Variants in ADAMTS6 observed in about 807,000 individuals in gnomAD.
ADAMTS6 encodes A disintegrin and metalloproteinase with thrombospondin motifs 6.
ADAMTS6 carries 23 observed loss-of-function variants against 144.3 expected under a neutral mutation model. The ratio of observed to expected loss-of-function variants is 0.16; its 90% CI spans 0.11 to 0.23. The LOEUF is 0.23. ADAMTS6 is among the 10% of genes least tolerant of loss of function. ADAMTS6 has a pLI of 1.00. For missense variants in ADAMTS6, 999 were observed against 1,379.6 expected, an observed-to-expected ratio of 0.72 and a Z score of 4.37; for synonymous variants, 444 against 457.5, an observed-to-expected ratio of 0.97 and a Z score of 0.38.
At chr5:65,302,103 AAAAAATAT>A (rs58527838) in intron 9 of ADAMTS6, among the ~76,000 whole-genome samples, 26,873 of 118,528 alleles carry the variant, frequency 0.23, 3,664 homozygotes, top group Admixed American at 0.32. Flanking sequence ...AAAAAAAAAA[AAAAAATAT>A]ATATATATAT....
intron 24 of ADAMTS6, among the ~76,000 whole-genome samples, chr5:65,156,441 G>A (rs1424801121): frequency 6.6e-6 from 1 of 151,990 alleles, no homozygotes; most frequent in East Asian, 1.9e-4. Flanking sequence ...ATATCCCATT[G>A]AAATTAAAAC....
chr5:65,287,465 A>G lies in ADAMTS6; in HGVS notation c.1512+3864T>C, dbSNP rs1056724872. On this transcript the variant is annotated intron_variant, in intron 11 of 24. Coordinates refer to ENST00000381055, the MANE Select transcript of ADAMTS6 (RefSeq NM_197941.4). ...TTATTTATTTATTTATTTACTTTGG[A>G]GTAGGTATATCACATTCTGTATTTT... Among the ~76,000 whole-genome samples the G allele has an allele frequency of 2.6e-5, 4 of 152,024 alleles. No individual in the cohort carries two copies. The South Asian group carries it at 8.3e-4, about 32-fold the overall frequency.
At chr5:65,273,123 G>C (rs1391296626) in intron 12 of ADAMTS6, among the ~76,000 whole-genome samples, 2 of 152,052 alleles carry the variant, frequency 1.3e-5, no homozygotes, top group African/African-American at 2.4e-5. Context: ...CAAAATAAAG[G>C]TGAAACTGAC....
chr5:65,394,081 T>G (rs1425804686), intron 7 of ADAMTS6, among the ~76,000 whole-genome samples: 1 of 152,224 alleles, frequency 6.6e-6, no homozygotes, highest in African/African-American at 2.4e-5. Flanking sequence ...ACATATAATG[T>G]GACTTTGACA....
chr5:65,214,969 A>G lies in ADAMTS6; in HGVS notation c.2437-37T>C. On this transcript the variant is annotated intron_variant, in intron 19 of 24. Coordinates refer to ENST00000381055, the MANE Select transcript of ADAMTS6 (RefSeq NM_197941.4). The surrounding 1 kb of genome is among the most constrained non-coding windows in gnomAD (Gnocchi z 4.6). Reference sequence around the variant, plus strand: ...AACAACTGGTGAAGACAATTAAAATACAATGAGCCTTCATTCAGATATTTA... The same window carrying G: ...AACAACTGGTGAAGACAATTAAAATGCAATGAGCCTTCATTCAGATATTTA... 1 of 1,590,988 alleles carries G rather than the reference A, an allele frequency of 6.3e-7. No individual in the cohort carries two copies. The highest frequency in any genetic ancestry group is 8.6e-7 in the Non-Finnish European group (1 of 1,169,550).
In ADAMTS6 at chr5:65,434,109, T is replaced by G. The variant is rs745773980; in HGVS notation, c.1073+17366A>C. Among the ~76,000 whole-genome samples the G allele has an allele frequency of 4.6e-5, 7 of 152,226 alleles. No homozygotes were observed. In the East Asian group the frequency reaches 1.3e-3, roughly 29 times the overall value. On this transcript the variant is annotated intron_variant, in intron 7 of 24. Coordinates refer to ENST00000381055, the MANE Select transcript of ADAMTS6 (RefSeq NM_197941.4). ...GTACTGACACATGCTACAACATGGA[T>G]GAACTTTGAAAACAACAAGTAAAAA... is the stretch of plus-strand genomic sequence containing the variant.
chr5:65,263,414 T>TAAA (rs747254767), intron 12 of ADAMTS6, among the ~76,000 whole-genome samples: 1 of 123,264 alleles, frequency 8.1e-6, no homozygotes, highest in Non-Finnish European at 1.8e-5. Flanking sequence ...TGCTCTTTCT[T>TAAA]AAAAAAAAAA....
chr5:65,269,431 T>C (rs1177092175), intron 12 of ADAMTS6, among the ~76,000 whole-genome samples: 1 of 152,108 alleles, frequency 6.6e-6, no homozygotes, highest in Non-Finnish European at 1.5e-5. Flanking sequence ...AAATGAAAAA[T>C]CTGTTTAGTA....
At chr5:65,399,788 A>G (rs1753767719) in intron 7 of ADAMTS6, among the ~76,000 whole-genome samples, 2 of 152,178 alleles carry the variant, frequency 1.3e-5, no homozygotes, top group South Asian at 4.1e-4. Flanking sequence ...ACAAACTGTT[A>G]TCTGTCTGAT....
At chr5:65,264,782 A>G (rs574895976) in intron 12 of ADAMTS6, among the ~76,000 whole-genome samples, 1 of 152,250 alleles carries the variant, frequency 6.6e-6, no homozygotes, top group Admixed American at 6.5e-5. Context: ...AAAACGTTTT[A>G]TTGGAAACAA....
intron 22 of ADAMTS6, among the ~76,000 whole-genome samples, chr5:65,183,715 G>C (rs1430577317): frequency 3.3e-5 from 5 of 152,148 alleles, no homozygotes; most frequent in Non-Finnish European, 7.4e-5. Flanking sequence ...GTATAGACAT[G>C]TATGTTATGT....
At chr5:65,177,969 C>T (rs190925774) in intron 22 of ADAMTS6, among the ~76,000 whole-genome samples, 7 of 152,286 alleles carry the variant, frequency 4.6e-5, no homozygotes, top group African/African-American at 1.2e-4. Flanking sequence ...GGTCAGTCCC[C>T]GAGGGCCATC....
At chr5:65,384,566 T>C (rs1191917591) in intron 7 of ADAMTS6, among the ~76,000 whole-genome samples, 1 of 152,222 alleles carries the variant, frequency 6.6e-6, no homozygotes, top group Non-Finnish European at 1.5e-5. Context: ...TAAGATGACC[T>C]ACTTTATCCG....
chr5:65,275,864 A>C (rs1762489931), intron 11 of ADAMTS6, among the ~76,000 whole-genome samples: 1 of 152,056 alleles, frequency 6.6e-6, no homozygotes, highest in Non-Finnish European at 1.5e-5. Flanking sequence ...AAAACAGAGG[A>C]CCATTAATAG....
intron 14 of ADAMTS6, 48 bp downstream of exon 14, chr5:65,260,552 A>G (rs1309102099): frequency 6.6e-7 from 1 of 1,514,722 alleles, no homozygotes; most frequent in Non-Finnish European, 9.1e-7. Flanking sequence ...TCCCTACTCT[A>G]GGGAAAGAGT....
intron 12 of ADAMTS6, among the ~76,000 whole-genome samples, chr5:65,263,279 A>G (rs180773429): frequency 6.6e-6 from 1 of 152,238 alleles, no homozygotes; most frequent in Admixed American, 6.5e-5. Context: ...TATAGACCTC[A>G]AAGTCTTTTT....
intron 13 of ADAMTS6, among the ~76,000 whole-genome samples, chr5:65,261,310 T>C (rs976594602): frequency 6.6e-6 from 1 of 152,222 alleles, no homozygotes. Context: ...ATTTGACTAA[T>C]ATAAGTTAAT....
intron 7 of ADAMTS6, among the ~76,000 whole-genome samples, chr5:65,344,759 C>T (rs1329371941): frequency 2.0e-5 from 3 of 151,824 alleles, no homozygotes; most frequent in Non-Finnish European, 4.4e-5. Flanking sequence ...TCTTTTCAGT[C>T]TCAAGACATA....
chr5:65,202,469 T>A (rs1386364649), intron 20 of ADAMTS6, among the ~76,000 whole-genome samples: 2 of 152,172 alleles, frequency 1.3e-5, no homozygotes, highest in East Asian at 3.8e-4. Flanking sequence ...TAATGTATAC[T>A]TTTTTAGTAC....
Sources: allele counts gnomAD v4.1 joint callset (sites outside exome capture counted in the v4.1 genomes callset), GRCh38; gene constraint gnomAD v4.1.1; non-coding constraint Gnocchi (gnomAD v3.1); transcripts MANE v1.5; gene names NCBI Gene and HGNC (gene_info 2026-07-23, HGNC 2026-07-21).